BLM: variants seen among roughly 807,000 people sequenced by gnomAD.
BLM encodes recQ-like DNA helicase BLM.
A neutral mutation model predicts 135.3 loss-of-function variants in BLM; 95 were observed. The ratio of observed to expected loss-of-function variants is 0.70; its 90% confidence interval spans 0.59 to 0.83. BLM has a LOEUF of 0.83. BLM is among the 40% of genes least tolerant of loss of function. BLM has a pLI of 0.00. For missense variants in BLM, 1,518 were observed against 1,663.9 expected (o/e 0.91, Z 1.53); for synonymous variants, 520 against 589.2 (o/e 0.88, Z 1.70).
chr15:90,798,869 G>C (rs1368859113), intron 17 of BLM, among the ~76,000 whole-genome samples: 1 of 152,180 alleles, frequency 6.6e-6, no homozygotes, highest in Non-Finnish European at 1.5e-5. Context: ...TGTAATCCCA[G>C]CTACTCGGGA....
At chr15:90,795,222 T>C (rs1283870518) in intron 16 of BLM, among the ~76,000 whole-genome samples, 1 of 152,230 alleles carries the variant, frequency 6.6e-6, no homozygotes, top group Non-Finnish European at 1.5e-5. Context: ...CTCATGCCTG[T>C]AATCCCAGCA....
At chr15:90,768,034 C>A (rs1896183837) in intron 10 of BLM, among the ~76,000 whole-genome samples, 1 of 151,626 alleles carries the variant, frequency 6.6e-6, no homozygotes, top group Non-Finnish European at 1.5e-5. Flanking sequence ...TCACTGCAAC[C>A]TGGGTTCAAG....
intron 14 of BLM, among the ~76,000 whole-genome samples, chr15:90,789,462 C>A (rs1458236357): frequency 1.3e-5 from 2 of 152,176 alleles, no homozygotes; most frequent in African/African-American, 4.8e-5. Context: ...GCTTCCGGAC[C>A]TGTCGGCTGA....
At chr15:90,789,057 A>G (rs1420827543) in intron 14 of BLM, among the ~76,000 whole-genome samples, 2 of 151,438 alleles carry the variant, frequency 1.3e-5, no homozygotes, top group East Asian at 1.9e-4. Context: ...ATATATATAT[A>G]TATATAACTT....
Position 90,755,181 on chromosome 15 carries a change from A to G in BLM, c.1087+243A>G. On this transcript the variant is annotated intron_variant, in intron 5 of 21. Transcript: ENST00000355112. ...TTGAAAATGCTACTTGTTAGAAATC[A>G]TCTCTCATACTGAGCCAAGATCTGC... The G allele has an allele frequency of 5.6e-6, 3 of 540,504 alleles. No homozygotes were observed. In the South Asian group the frequency reaches 6.7e-5, roughly 12 times the overall value. The allele number at this position is 540,504 out of a possible 1,614,324, so 33.5% of individuals were successfully genotyped here. A position where few individuals can be genotyped will look rare whatever the true frequency, so the allele number is the denominator to read the frequency against.
At chr15:90,792,337 C>T (rs1241363618) in intron 15 of BLM, among the ~76,000 whole-genome samples, 1 of 152,102 alleles carries the variant, frequency 6.6e-6, no homozygotes, top group Non-Finnish European at 1.5e-5. Flanking sequence ...AACTCCTGAC[C>T]TCCAGTGATC....
chr15:90,776,538 GAC>G (rs1896481784), intron 12 of BLM, among the ~76,000 whole-genome samples: 1 of 151,964 alleles, frequency 6.6e-6, no homozygotes, highest in Non-Finnish European at 1.5e-5. Flanking sequence ...TGTTTTTTGA[GAC>G]AGAGTCCCAA....
intron 15 of BLM, among the ~76,000 whole-genome samples, chr15:90,791,620 A>G (rs1000959073): frequency 6.6e-6 from 1 of 151,112 alleles, no homozygotes; most frequent in Admixed American, 6.6e-5. Flanking sequence ...ATCTTTGGGC[A>G]TTTTTGCAGT....
At chr15:90,733,181 A>G (rs1895113306) in intron 1 of BLM, among the ~76,000 whole-genome samples, 1 of 152,228 alleles carries the variant, frequency 6.6e-6, no homozygotes, top group Admixed American at 6.5e-5. Flanking sequence ...ATACAGAATA[A>G]GAAATGGTAA....
At chr15:90,806,382 G>A (rs941549299) in intron 19 of BLM, among the ~76,000 whole-genome samples, 13 of 152,044 alleles carry the variant, frequency 8.6e-5, no homozygotes, top group East Asian at 5.8e-4. Flanking sequence ...GTGGTGGCGG[G>A]CGCTTGTAAT....
intron 4 of BLM, 69 bp from the exon 5 acceptor site, chr15:90,754,742 G>T: frequency 6.7e-7 from 1 of 1,503,630 alleles, no homozygotes; most frequent in Non-Finnish European, 9.1e-7. Context: ...AATATTAAGG[G>T]TTTCAAAATT....
intron 5 of BLM, chr15:90,755,306 A>G: frequency 4.1e-6 from 1 of 245,398 alleles, no homozygotes; most frequent in Admixed American, 5.2e-5. Context: ...TAATCTCATC[A>G]TAATAGAGTT....
intron 1 of BLM, among the ~76,000 whole-genome samples, chr15:90,729,754 A>G (rs887826965): frequency 3.3e-5 from 5 of 152,214 alleles, no homozygotes; most frequent in Admixed American, 6.5e-5. Context: ...AAGGATCAGG[A>G]TATAGACATC....
At chr15:90,795,381 G>C (rs1280695267) in intron 16 of BLM, among the ~76,000 whole-genome samples, 1 of 152,200 alleles carries the variant, frequency 6.6e-6, no homozygotes, top group Non-Finnish European at 1.5e-5. Flanking sequence ...TTGGGAAGCT[G>C]AGGCAGGAGA....
chr15:90,766,503 C>T (rs1896130414), intron 9 of BLM, among the ~76,000 whole-genome samples: 1 of 152,152 alleles, frequency 6.6e-6, no homozygotes, highest in South Asian at 2.1e-4. Context: ...CCTTGGCTCA[C>T]TGCAACCTCT....
At chr15:90,769,666 C>CGCTT in intron 12 of BLM, 80 bp downstream of exon 12, 1 of 1,482,728 alleles carries the variant, frequency 6.7e-7, no homozygotes, top group Non-Finnish European at 9.2e-7. Context: ...TCACCTGTGG[C>CGCTT]GCTTTAACGC....
chr15:90,782,799 T>G (rs754355675), intron 12 of BLM, 23 bp from the exon 13 acceptor site: 1 of 1,552,248 alleles, frequency 6.4e-7, no homozygotes, highest in South Asian at 1.1e-5. Context: ...AATAACTAAA[T>G]TTTATGTTTG....
At chr15:90,787,880 C>T (rs930095894) in intron 14 of BLM, among the ~76,000 whole-genome samples, 2 of 151,632 alleles carry the variant, frequency 1.3e-5, no homozygotes, top group African/African-American at 4.8e-5. Context: ...AACCTGGGAG[C>T]CGAAGGTTGC....
intron 17 of BLM, among the ~76,000 whole-genome samples, chr15:90,801,745 G>C (rs1465132870): frequency 6.6e-6 from 1 of 152,106 alleles, no homozygotes; most frequent in Admixed American, 6.6e-5. Flanking sequence ...TGAGTCAGGG[G>C]AATGTTGCTT....
Sources: gnomAD v4.1 joint callset for allele counts (sites outside exome capture counted in the v4.1 genomes callset) on GRCh38, gnomAD v4.1.1 for gene constraint, MANE v1.5 for transcripts, NCBI Gene and HGNC (gene_info 2026-07-23, HGNC 2026-07-21) for gene names.